Variants in MYO1E observed in about 807,000 individuals in gnomAD.
MYO1E encodes unconventional myosin-Ie.
In MYO1E, 68 loss-of-function variants were observed where a neutral mutation model predicts 151.1. That is an observed-to-expected ratio of 0.45 (90% CI 0.37 to 0.55). The LOEUF is 0.55. Among genes scored for constraint, MYO1E ranks in the 20% least tolerant of loss-of-function variants. MYO1E has a pLI of 0.00. For missense variants in MYO1E, 1,363 were observed against 1,389.3 expected, an observed-to-expected ratio of 0.98 and a Z score of 0.30; for synonymous variants, 601 against 501.7, an observed-to-expected ratio of 1.20 and a Z score of -2.64.
intron 1 of MYO1E, among the ~76,000 whole-genome samples, chr15:59,316,272 C>G (rs1013616702): frequency 6.6e-6 from 1 of 152,212 alleles, no homozygotes; most frequent in African/African-American, 2.4e-5. Context: ...GGCCTGAATT[C>G]TTGCCAATAC....
intron 26 of MYO1E, among the ~76,000 whole-genome samples, chr15:59,143,142 C>A (rs1355189677): frequency 3.3e-5 from 5 of 152,190 alleles, no homozygotes; most frequent in Non-Finnish European, 7.3e-5. Context: ...CAAAGTAAAA[C>A]CTCCGAAATT....
chr15:59,357,067 A>C (rs141788343), intron 1 of MYO1E, among the ~76,000 whole-genome samples: 7 of 151,752 alleles, frequency 4.6e-5, no homozygotes, highest in African/African-American at 1.5e-4. Context: ...CACCACACCC[A>C]GCTAATTCTT....
At chr15:59,248,020 C>G (rs1287457715) in intron 4 of MYO1E, among the ~76,000 whole-genome samples, 1 of 143,806 alleles carries the variant, frequency 7.0e-6, no homozygotes, top group African/African-American at 2.6e-5. Flanking sequence ...CCCAGCTACT[C>G]AGAAGGCTGA....
At position 59,207,139 on chromosome 15, in the gene MYO1E, G is replaced by A. The variant is rs752541797; in HGVS notation, c.1530+1542C>T. ...TGAGCGTTTCACTTCCGAGAAGCCC[G>A]TTCATCACAGTAAGGTCTCCATCAT... On this transcript the variant is annotated intron_variant, in intron 14 of 27. Coordinates refer to ENST00000288235, the MANE Select transcript of MYO1E (RefSeq NM_004998.4). 2.2e-5 allele frequency: 36 copies of A among 1,614,100 alleles called. No homozygotes were observed. In the South Asian group the frequency reaches 3.4e-4, roughly 15 times the overall value.
intron 22 of MYO1E, among the ~76,000 whole-genome samples, chr15:59,165,219 T>C (rs1274687221): frequency 1.3e-5 from 2 of 152,020 alleles, no homozygotes; most frequent in Non-Finnish European, 1.5e-5. Context: ...CACAATTGGA[T>C]AGGAAGGCGT....
At chr15:59,253,375 G>A (rs906287476) in intron 4 of MYO1E, among the ~76,000 whole-genome samples, 10 of 152,124 alleles carry the variant, frequency 6.6e-5, no homozygotes, top group Admixed American at 2.6e-4. Flanking sequence ...TATAACAGAC[G>A]GGTTCACTGA....
Position 59,274,059 on chromosome 15 carries a change from C to CT in MYO1E, c.4-1611dup, listed in dbSNP as rs71864504. On this transcript the variant is annotated intron_variant, in intron 1 of 27. Coordinates refer to ENST00000288235, the MANE Select transcript of MYO1E (RefSeq NM_004998.4). ...TTTTAAAAATTTATTAAATGGTTTA[C>CT]TTTTTTTTCGATGGGAAACACAGAT... Among the ~76,000 whole-genome samples, 394 of 150,714 alleles carry CT rather than the reference C, an allele frequency of 2.6e-3. 1 individual carries two copies. Among genetic ancestry groups the CT allele is most frequent in the African/African-American group, 8.3e-3 (344 of 41,378 alleles).
At chr15:59,192,868 AGT>A (rs1408353472) in intron 17 of MYO1E, among the ~76,000 whole-genome samples, 1 of 152,020 alleles carries the variant, frequency 6.6e-6, no homozygotes, top group Non-Finnish European at 1.5e-5. Context: ...TGGGTGTACA[AGT>A]GTGGGTATGT....
intron 13 of MYO1E, 133 bp from the exon 14 acceptor site, chr15:59,208,981 C>G: frequency 2.7e-6 from 3 of 1,101,854 alleles, no homozygotes; most frequent in Non-Finnish European, 4.0e-6. Flanking sequence ...TATTCCCCTT[C>G]AGGCAAGAAT....
At chr15:59,247,016 G>T (rs746260847) in intron 4 of MYO1E, among the ~76,000 whole-genome samples, 1 of 152,098 alleles carries the variant, frequency 6.6e-6, no homozygotes, top group Non-Finnish European at 1.5e-5. Flanking sequence ...GGCAACATAA[G>T]AAGACCCTGT....
chr15:59,160,983 C>T (rs1334189920), intron 24 of MYO1E, 90 bp downstream of exon 24: 18 of 1,529,976 alleles, frequency 1.2e-5, no homozygotes, highest in Non-Finnish European at 1.6e-5. Context: ...GATTCTCAGC[C>T]CCCACATCTG....
rs368761394 is a variant in MYO1E, at chr15:59,216,666, GTATA to G, written c.1107+1221_1107+1224del. ...CCAGTGTGTGTGTGTGTGTGTATGT[GTATA>G]TATATATATATATATACACATACAC... On this transcript the variant is annotated intron_variant, in intron 10 of 27. Coordinates refer to ENST00000288235, the MANE Select transcript of MYO1E (RefSeq NM_004998.4). 2.6e-4 allele frequency among the ~76,000 whole-genome samples: 8 copies of G among 30,878 alleles called. 1 individual carries two copies. The highest frequency in any genetic ancestry group is 5.5e-4 in the African/African-American group (5 of 9,064). 20.3% of individuals were successfully genotyped at this position (30,878 alleles called of 152,430 possible).
intron 26 of MYO1E, among the ~76,000 whole-genome samples, chr15:59,140,747 G>T (rs1327421428): frequency 6.6e-6 from 1 of 152,186 alleles, no homozygotes; most frequent in Non-Finnish European, 1.5e-5. Context: ...GGGGTGGCTG[G>T]GGGGAACACT....
intron 4 of MYO1E, among the ~76,000 whole-genome samples, chr15:59,245,565 A>AT (rs1428671156): frequency 1.1e-4 from 17 of 152,344 alleles, no homozygotes; most frequent in African/African-American, 3.6e-4. Flanking sequence ...GGTATTGGAT[A>AT]TATTTAGGAC....
intron 16 of MYO1E, among the ~76,000 whole-genome samples, chr15:59,200,549 G>T (rs1269990333): frequency 6.6e-6 from 1 of 152,070 alleles, no homozygotes; most frequent in Non-Finnish European, 1.5e-5. Flanking sequence ...AGCATTTTGG[G>T]AGTCTGAGGT....
chr15:59,151,360 A>G (rs987781370), intron 26 of MYO1E, among the ~76,000 whole-genome samples: 8 of 152,164 alleles, frequency 5.3e-5, no homozygotes, highest in Middle Eastern at 6.8e-3. Flanking sequence ...AACCCAGGAC[A>G]TGGAGGTTGC....
chr15:59,274,019 C>T (rs2080303901), intron 1 of MYO1E, among the ~76,000 whole-genome samples: 1 of 151,934 alleles, frequency 6.6e-6, no homozygotes, highest in South Asian at 2.1e-4. Context: ...AAGATGGAAG[C>T]CATTCCAAAT....
At chr15:59,232,316 G>A (rs1280712982) in intron 5 of MYO1E, among the ~76,000 whole-genome samples, 1 of 152,182 alleles carries the variant, frequency 6.6e-6, no homozygotes, top group African/African-American at 2.4e-5. Context: ...TGAATCACCT[G>A]GGGATCTTGT....
At chr15:59,238,775 T>G (rs2140359327) in intron 4 of MYO1E, among the ~76,000 whole-genome samples, 1 of 152,074 alleles carries the variant, frequency 6.6e-6, no homozygotes, top group South Asian at 2.1e-4. Context: ...TTTCACCATG[T>G]TAGCCAGACT....
Sources: gnomAD v4.1 joint callset for allele counts (sites outside exome capture counted in the v4.1 genomes callset) on GRCh38, gnomAD v4.1.1 for gene constraint, MANE v1.5 for transcripts, NCBI Gene and HGNC (gene_info 2026-07-23, HGNC 2026-07-21) for gene names.